The following EEFSEC variants were observed in gnomAD, a reference collection of about 807,000 sequenced individuals.
EEFSEC encodes selenocysteine-specific elongation factor.
EEFSEC carries 43 observed loss-of-function variants against 42.1 expected under a neutral mutation model. That is an observed-to-expected ratio of 1.02 (90% CI 0.80 to 1.32). EEFSEC has a LOEUF of 1.32. EEFSEC is among the 40% of genes most tolerant of loss of function. EEFSEC has a pLI of 0.00. For synonymous variants in EEFSEC, 354 were observed against 339.1 expected, an observed-to-expected ratio of 1.04 and a Z score of -0.48; for missense variants, 745 against 803.6, an observed-to-expected ratio of 0.93 and a Z score of 0.88.
chr3:128,181,603 A>C (rs538041535), intron 1 of EEFSEC, among the ~76,000 whole-genome samples: 1 of 152,290 alleles, frequency 6.6e-6, no homozygotes, highest in African/African-American at 2.4e-5. Flanking sequence ...CTCTCCTTTG[A>C]AAGGTCTTTC....
intron 4 of EEFSEC, among the ~76,000 whole-genome samples, chr3:128,287,554 G>A (rs1421595706): frequency 6.6e-6 from 1 of 152,202 alleles, no homozygotes. Context: ...AAAGAATGAG[G>A]TGGTGATGTG....
Position 128,408,439 on chromosome 3 carries a change from GC to G in EEFSEC, c.*182del. ...GAGCTGAGGGGGATGGGTTGCTGGGGCCAGGAGGGTCTCTCCTCCAGCCCCT... is the reference window on the plus strand; with the variant it reads ...GAGCTGAGGGGGATGGGTTGCTGGGGCAGGAGGGTCTCTCCTCCAGCCCCT... On this transcript the variant is annotated 3_prime_UTR_variant, in exon 7 of 7. Transcript: ENST00000254730. 1 of 617,010 alleles carries G rather than the reference GC, an allele frequency of 1.6e-6. No individual in the cohort carries two copies. The highest frequency in any genetic ancestry group is 2.6e-6 in the Non-Finnish European group (1 of 382,620). The allele number at this position is 617,010 out of a possible 1,614,324, so 38.2% of individuals were successfully genotyped here. A position where few individuals can be genotyped will look rare whatever the true frequency, so the allele number is the denominator to read the frequency against.
At chr3:128,381,007 C>T (rs909809952) in intron 6 of EEFSEC, among the ~76,000 whole-genome samples, 2 of 152,226 alleles carry the variant, frequency 1.3e-5, no homozygotes, top group African/African-American at 4.8e-5. Context: ...TTCTTGGAGG[C>T]CTAGGATCAA....
intron 5 of EEFSEC, among the ~76,000 whole-genome samples, chr3:128,342,128 A>G (rs2067262561): frequency 6.6e-6 from 1 of 152,194 alleles, no homozygotes; most frequent in South Asian, 2.1e-4. Flanking sequence ...ACTGTACCCA[A>G]TCCCACCCAG....
the EEFSEC span, among the ~76,000 whole-genome samples, chr3:128,416,107 C>T: frequency 6.6e-5 from 10 of 152,146 alleles, no homozygotes; most frequent in South Asian, 2.1e-4. Context: ...TAAGGAGAGA[C>T]GGTTGCAGAG....
intron 1 of EEFSEC, among the ~76,000 whole-genome samples, chr3:128,172,254 T>C (rs2065306428): frequency 6.6e-6 from 1 of 152,130 alleles, no homozygotes; most frequent in Admixed American, 6.5e-5. Context: ...AAAACAGCAG[T>C]GGTAGCAAGG....
rs199562755 is a variant in EEFSEC, at chr3:128,256,213, C to T, written c.525-5915C>T. ...CTTAAAGATTTCCCTAACTTTTTAA[C>T]CAGGCTCAGTGCCTTCAGCAGGTAA... On this transcript the variant is annotated intron_variant, in intron 2 of 6. Transcript: ENST00000254730. Among the ~76,000 whole-genome samples, 6 of 152,130 alleles carry T rather than the reference C, an allele frequency of 3.9e-5. No individual in the cohort carries two copies. In the East Asian group the frequency reaches 9.6e-4, roughly 24 times the overall value.
chr3:128,247,367 G>C (rs2066139136), intron 2 of EEFSEC, among the ~76,000 whole-genome samples: 1 of 152,204 alleles, frequency 6.6e-6, no homozygotes, highest in African/African-American at 2.4e-5. Flanking sequence ...CAAGGGTTCA[G>C]ATCCTTTCTA....
chr3:128,234,803 G>C (rs189166994), intron 1 of EEFSEC, among the ~76,000 whole-genome samples: 2 of 152,176 alleles, frequency 1.3e-5, no homozygotes, highest in Non-Finnish European at 2.9e-5. Flanking sequence ...AAGGGACGTC[G>C]ATCCCAGTGA....
chr3:128,160,803 C>T (rs571128292), intron 1 of EEFSEC, among the ~76,000 whole-genome samples: 2 of 152,086 alleles, frequency 1.3e-5, no homozygotes, highest in East Asian at 1.9e-4. Flanking sequence ...CACACACACG[C>T]GCGCACACAC....
At chr3:128,413,478 C>T (rs752693419), downstream of EEFSEC, among the ~76,000 whole-genome samples, 2 of 152,126 alleles carry the variant, frequency 1.3e-5, no homozygotes, top group Admixed American at 1.3e-4. Context: ...GTGTGGCCTG[C>T]GGCCCCCTCT....
intron 4 of EEFSEC, among the ~76,000 whole-genome samples, chr3:128,308,750 A>G (rs1461326437): frequency 6.6e-6 from 1 of 151,886 alleles, no homozygotes; most frequent in East Asian, 1.9e-4. Context: ...CAGCCCCAGG[A>G]CTCCCTGGGA....
chr3:128,351,787 C>T (rs897254792), intron 5 of EEFSEC, among the ~76,000 whole-genome samples: 4 of 152,238 alleles, frequency 2.6e-5, no homozygotes, highest in East Asian at 3.8e-4. Flanking sequence ...TGCACAGTGA[C>T]TGCTCCTCAG....
At chr3:128,162,456 A>C (rs141332562) in intron 1 of EEFSEC, among the ~76,000 whole-genome samples, 2 of 152,086 alleles carry the variant, frequency 1.3e-5, no homozygotes, top group African/African-American at 4.8e-5. Context: ...ACCCCACCTG[A>C]TCTCCCCATA....
chr3:128,260,959 G>A (rs1460252423), intron 2 of EEFSEC, among the ~76,000 whole-genome samples: 6 of 74,858 alleles, frequency 8.0e-5, no homozygotes, highest in African/African-American at 2.3e-4. Flanking sequence ...TCATCCCACA[G>A]CCAAGGCAAA....
At chr3:128,187,707 G>A (rs528887466) in intron 1 of EEFSEC, among the ~76,000 whole-genome samples, 1 of 152,324 alleles carries the variant, frequency 6.6e-6, no homozygotes, top group South Asian at 2.1e-4. Flanking sequence ...TAAAGCAGAT[G>A]TACTGAATAT....
chr3:128,218,160 CTT>C (rs1306942231), intron 1 of EEFSEC, among the ~76,000 whole-genome samples: 2 of 152,094 alleles, frequency 1.3e-5, no homozygotes, highest in Non-Finnish European at 2.9e-5. Flanking sequence ...GGGTTATACT[CTT>C]TGTGATTTAA....
At chr3:128,165,402 T>G (rs903174058) in intron 1 of EEFSEC, among the ~76,000 whole-genome samples, 1 of 152,226 alleles carries the variant, frequency 6.6e-6, no homozygotes, top group Non-Finnish European at 1.5e-5. Flanking sequence ...TCCCCTCGAT[T>G]ATTTGAGTTT....
chr3:128,155,790 C>G (rs1944370804), intron 1 of EEFSEC, among the ~76,000 whole-genome samples: 1 of 152,180 alleles, frequency 6.6e-6, no homozygotes, highest in Admixed American at 6.5e-5. Flanking sequence ...CCAACTGTTT[C>G]ATGTTACAGG....
Sources: allele counts gnomAD v4.1 joint callset (sites outside exome capture counted in the v4.1 genomes callset), GRCh38; gene constraint gnomAD v4.1.1; transcripts MANE v1.5; gene names NCBI Gene and HGNC (gene_info 2026-07-23, HGNC 2026-07-21).